MAMDC2: variants seen among roughly 807,000 people sequenced by gnomAD.
MAMDC2 encodes the protein MAM domain-containing protein 2.
A neutral mutation model predicts 89.8 loss-of-function variants in MAMDC2; 57 were observed. The ratio of observed to expected loss-of-function variants is 0.63; its 90% CI spans 0.51 to 0.79. MAMDC2 has a LOEUF of 0.79. MAMDC2 is among the 30% of genes least tolerant of loss of function. MAMDC2 has a pLI of 0.00. For missense variants in MAMDC2, 800 were observed against 820.6 expected (o/e 0.97, Z 0.31); for synonymous variants, 313 against 293.4 (o/e 1.07, Z -0.68).
Position 70,108,347 on chromosome 9 carries a change from A to T in MAMDC2, c.285A>T (p.Ser95=). 1 of 1,614,138 alleles carries T rather than the reference A, an allele frequency of 6.2e-7. No individual in the cohort carries two copies. The highest frequency in any genetic ancestry group is 2.2e-5 in the East Asian group (1 of 44,856). The part of the protein sequence containing the change: ...YQITTSSESL[S]DPSQLNLYMR... ...TAACCACATCTTCGGAGTCTCTGTC[A>T]GATCCCAGCCAGCTGAACCTCTACA... The change falls in exon 3 of 14, where the codon TCA becomes TCT. Residue 95 remains serine, a synonymous_variant. Transcript: ENST00000377182.
chr9:70,047,619 T>A (rs1826785749), intron 2 of MAMDC2, among the ~76,000 whole-genome samples: 1 of 152,262 alleles, frequency 6.6e-6, no homozygotes, highest in Non-Finnish European at 1.5e-5. Context: ...GCATTTGGGT[T>A]GGTTCCATGT....
intron 2 of MAMDC2, among the ~76,000 whole-genome samples, chr9:70,095,095 G>A (rs953256663): frequency 5.9e-5 from 9 of 152,220 alleles, no homozygotes; most frequent in African/African-American, 2.2e-4. Flanking sequence ...ATGTGGGAAG[G>A]CCTGAAGCAA....
At chr9:70,208,872 G>T (rs1230331237) in intron 11 of MAMDC2, among the ~76,000 whole-genome samples, 1 of 152,164 alleles carries the variant, frequency 6.6e-6, no homozygotes, top group Non-Finnish European at 1.5e-5. Context: ...GGCCTTTTCT[G>T]TGTCTATTGA....
intron 11 of MAMDC2, among the ~76,000 whole-genome samples, chr9:70,196,980 A>G (rs2032985236): frequency 6.6e-6 from 1 of 152,172 alleles, no homozygotes; most frequent in Non-Finnish European, 1.5e-5. Flanking sequence ...GAAGACAAAT[A>G]GTTGGAATTT....
intron 2 of MAMDC2, chr9:70,094,029 A>G (rs1827968326): frequency 1.3e-5 from 2 of 152,190 alleles, no homozygotes; most frequent in African/African-American, 4.8e-5. Context: ...GCTACACCCT[A>G]TGACAGACCC....
chr9:70,066,207 C>G (rs1427670351), intron 2 of MAMDC2, among the ~76,000 whole-genome samples: 1 of 152,186 alleles, frequency 6.6e-6, no homozygotes, highest in African/African-American at 2.4e-5. Flanking sequence ...GCCAGACATG[C>G]GACTCTCCAG....
chr9:70,066,445 G>A (rs554778503), intron 2 of MAMDC2, among the ~76,000 whole-genome samples: 1 of 152,148 alleles, frequency 6.6e-6, no homozygotes, highest in Non-Finnish European at 1.5e-5. Context: ...GAAGAGGAAG[G>A]TCACGTCTCT....
At chr9:70,097,368 T>C (rs1218045568) in intron 2 of MAMDC2, among the ~76,000 whole-genome samples, 3 of 152,196 alleles carry the variant, frequency 2.0e-5, no homozygotes, top group Non-Finnish European at 2.9e-5. Flanking sequence ...ACAGATTGCG[T>C]AATGAATTTC....
rs1027946481 is a variant in MAMDC2 at position 70,049,436 on chromosome 9, A to G, written c.148+4739A>G. 3.3e-5 allele frequency among the ~76,000 whole-genome samples: 5 copies of G among 152,280 alleles called. No homozygotes were observed. In the South Asian group the frequency reaches 8.3e-4, roughly 25 times the overall value. ...TCTTGAGGCTCAGCTAGAGCCACAA[A>G]TCTGGCAAGGATCCCAGGTTCCTGG... On this transcript the variant is annotated intron_variant, in intron 2 of 13. Coordinates refer to ENST00000377182, the MANE Select transcript of MAMDC2 (RefSeq NM_153267.5).
chr9:70,191,822 T>C (rs952061577), intron 11 of MAMDC2, among the ~76,000 whole-genome samples: 8 of 152,312 alleles, frequency 5.3e-5, no homozygotes, highest in East Asian at 3.9e-4. Context: ...GCTGATGAGA[T>C]TGCTGAAAAT....
intron 9 of MAMDC2, among the ~76,000 whole-genome samples, chr9:70,144,849 T>C (rs748006954): frequency 1.4e-4 from 22 of 152,342 alleles, no homozygotes; most frequent in Non-Finnish European, 2.8e-4. Flanking sequence ...ATCATAGCTG[T>C]GTCCATCTAT....
chr9:70,172,049 C>T (rs1039784616), intron 11 of MAMDC2: 3 of 152,158 alleles, frequency 2.0e-5, no homozygotes, highest in Non-Finnish European at 4.4e-5. Flanking sequence ...TAATAATGAA[C>T]AGCTTTATTT....
intron 7 of MAMDC2, 56 bp from the exon 8 acceptor site, chr9:70,140,089 A>G (rs2031156546): frequency 1.5e-5 from 22 of 1,491,450 alleles, no homozygotes; most frequent in Non-Finnish European, 1.9e-5. Flanking sequence ...CAACCAGTTG[A>G]TGTAGTCCTT....
intron 11 of MAMDC2, among the ~76,000 whole-genome samples, chr9:70,190,254 T>G (rs951005474): frequency 4.6e-5 from 7 of 152,168 alleles, no homozygotes; most frequent in Non-Finnish European, 8.8e-5. Flanking sequence ...GTTTGTTGTT[T>G]TTGTTTTTGT....
chr9:70,129,525 G>T (rs1348701933), intron 6 of MAMDC2, among the ~76,000 whole-genome samples: 1 of 152,162 alleles, frequency 6.6e-6, no homozygotes, highest in Non-Finnish European at 1.5e-5. Flanking sequence ...AATGGGATTT[G>T]AACTCTGGTC....
intron 2 of MAMDC2, among the ~76,000 whole-genome samples, chr9:70,100,610 G>A (rs900395843): frequency 2.0e-5 from 3 of 152,212 alleles, no homozygotes; most frequent in Non-Finnish European, 2.9e-5. Context: ...CACATCAGGA[G>A]TAAATATGCC....
chr9:70,212,536 C>T (rs557576634), intron 11 of MAMDC2, among the ~76,000 whole-genome samples: 51 of 152,262 alleles, frequency 3.3e-4, no homozygotes, highest in Non-Finnish European at 6.3e-4. Context: ...CACGGCTTCC[C>T]TTGGCTAGGA....
intron 2 of MAMDC2, among the ~76,000 whole-genome samples, chr9:70,071,048 G>A (rs1827394348): frequency 1.3e-5 from 2 of 152,080 alleles, no homozygotes; most frequent in African/African-American, 4.8e-5. Flanking sequence ...CTATAAACAG[G>A]AAATGAAAAA....
intron 9 of MAMDC2, among the ~76,000 whole-genome samples, chr9:70,150,920 A>C (rs572404237): frequency 6.6e-6 from 1 of 152,288 alleles, no homozygotes; most frequent in East Asian, 1.9e-4. Flanking sequence ...CCCCTGCGTG[A>C]AACTGTTCTA....
Sources: allele counts gnomAD v4.1 joint callset (sites outside exome capture counted in the v4.1 genomes callset), GRCh38; gene constraint gnomAD v4.1.1; transcripts MANE v1.5; gene names NCBI Gene and HGNC (gene_info 2026-07-23, HGNC 2026-07-21).